Variants in CCDC90B observed in about 807,000 individuals in gnomAD.
The protein encoded by CCDC90B is coiled-coil domain containing 90B.
A neutral mutation model predicts 37.0 loss-of-function variants in CCDC90B; 24 were observed. That is an observed-to-expected ratio of 0.65 (90% CI 0.47 to 0.91). The LOEUF is 0.91. Among genes scored for constraint, CCDC90B ranks in the 40% least tolerant of loss-of-function variants. The probability of loss-of-function intolerance (pLI) is 0.00; values close to 1 mark genes in which losing one functional copy is unlikely to be tolerated. For synonymous variants in CCDC90B, 113 were observed against 101.1 expected (o/e 1.12, Z -0.71); for missense variants, 319 against 299.0 (o/e 1.07, Z -0.49).
rs1197698668 is a variant in CCDC90B at position 83,282,218 on chromosome 11, A to T, written c.101-1958T>A. ...TGTTTGCCCTTGTGATCAATGGCTAACTGGGAGCTGCGGCTTGCTGCCCCT... is the reference window on the plus strand; with the variant it reads ...TGTTTGCCCTTGTGATCAATGGCTATCTGGGAGCTGCGGCTTGCTGCCCCT... On this transcript the variant is annotated intron_variant, in intron 1 of 8. Coordinates refer to ENST00000529689, the MANE Select transcript of CCDC90B (RefSeq NM_021825.5). Among the ~76,000 whole-genome samples the T allele has an allele frequency of 2.0e-5, 3 of 152,342 alleles. 1 individual carries two copies. The South Asian group carries it at 6.2e-4, about 32-fold the overall frequency.
At position 83,263,384 on chromosome 11, in the gene CCDC90B, TAAC is replaced by T. The variant is rs542685130; in HGVS notation, c.710-1421_710-1419del. Among the ~76,000 whole-genome samples the T allele has an allele frequency of 4.9e-4, 74 of 152,336 alleles. 1 individual carries two copies. In the South Asian group the frequency reaches 5.4e-3, roughly 11 times the overall value. On this transcript the variant is annotated intron_variant, in intron 8 of 8. Coordinates refer to ENST00000529689, the MANE Select transcript of CCDC90B (RefSeq NM_021825.5). ...TTATTTCTCATGGCTGTTGTTGCAG[TAAC>T]AACAACAATTGGAGCCATCTCCAAT...
intron 7 of CCDC90B, among the ~76,000 whole-genome samples, chr11:83,271,198 C>T (rs1347458245): frequency 6.6e-6 from 1 of 152,186 alleles, no homozygotes; most frequent in Admixed American, 6.5e-5. Context: ...CAATTCCATT[C>T]AGGACATAGG....
intron 7 of CCDC90B, among the ~76,000 whole-genome samples, chr11:83,267,940 G>A (rs1434658711): frequency 6.6e-6 from 1 of 152,240 alleles, no homozygotes; most frequent in Non-Finnish European, 1.5e-5. Flanking sequence ...CCAGAAGAGA[G>A]TGGGGGCCAA....
chr11:83,264,066 A>G (rs555771291), intron 8 of CCDC90B, among the ~76,000 whole-genome samples: 1 of 152,372 alleles, frequency 6.6e-6, no homozygotes, highest in Admixed American at 6.5e-5. Context: ...GTTGTTATAT[A>G]GAAATACTAG....
intron 7 of CCDC90B, among the ~76,000 whole-genome samples, chr11:83,272,540 T>G (rs1395348694): frequency 2.0e-5 from 3 of 152,058 alleles, no homozygotes; most frequent in Non-Finnish European, 4.4e-5. Context: ...GCGCCAGTAT[T>G]AAAGGAACTG....
intron 1 of CCDC90B, 58 bp from the exon 2 acceptor site, chr11:83,280,318 T>G: frequency 2.7e-6 from 4 of 1,479,142 alleles, no homozygotes; most frequent in Non-Finnish European, 3.7e-6. Flanking sequence ...AAAGCTACTT[T>G]AGCTTACAAA....
rs8789 is a variant in CCDC90B, at chr11:83,261,962, C to T, written c.714G>A (p.Ser238=). ...KLETIRYLAA[S]VFTCLAIALG... is the part of the protein sequence containing the mutation. ...ATGCTATTGCCAGGCAAGTAAACACCGAAGCTGTGAAAAGAAGAAACTGTG... is the reference window on the plus strand; with the variant it reads ...ATGCTATTGCCAGGCAAGTAAACACTGAAGCTGTGAAAAGAAGAAACTGTG... Residue 238 remains serine (S), a synonymous_variant, in exon 9 of 9, where the codon TCG becomes TCA. Coordinates refer to ENST00000529689, the MANE Select transcript of CCDC90B (RefSeq NM_021825.5). 647,366 of 1,580,352 alleles carry T rather than the reference C, an allele frequency of 0.41. 135,622 individuals are homozygous for T. Among genetic ancestry groups the T allele is most frequent in the African/African-American group, 0.58 (42,443 of 73,262 alleles).
chr11:83,273,754 GAGTA>G, intron 6 of CCDC90B, 35 bp downstream of exon 6: 1 of 1,601,148 alleles, frequency 6.2e-7, no homozygotes, highest in Non-Finnish European at 8.5e-7. Flanking sequence ...AATAAAAAAG[GAGTA>G]AGTAACCAAG....
At chr11:83,271,649 G>A (rs367768762) in intron 7 of CCDC90B, among the ~76,000 whole-genome samples, 56 of 152,232 alleles carry the variant, frequency 3.7e-4, no homozygotes, top group African/African-American at 1.2e-3. Context: ...AAATAGGAAC[G>A]CTTTTACACT....
chr11:83,286,129 C>G lies in CCDC90B; in HGVS notation c.-157G>C. The G allele has an allele frequency of 6.5e-7, 1 of 1,536,324 alleles. No individual in the cohort carries two copies. The highest frequency in any genetic ancestry group is 8.7e-7 in the Non-Finnish European group (1 of 1,146,926). ...CAGCGCAGGCGCCACCGTGGTCCCA[C>G]GAAACTGGGTCTCTTCACAGACAGA... is the stretch of plus-strand genomic sequence containing the variant. On this transcript the variant is annotated 5_prime_UTR_variant, in exon 1 of 9. Coordinates refer to ENST00000529689, the MANE Select transcript of CCDC90B (RefSeq NM_021825.5).
intron 8 of CCDC90B, 131 bp downstream of exon 8, chr11:83,265,734 C>T (rs1052981444): frequency 2.5e-5 from 15 of 605,492 alleles, no homozygotes; most frequent in Non-Finnish European, 3.8e-5. Flanking sequence ...TTAAGCACTA[C>T]AGGGGACCAA....
chr11:83,285,938 G>A lies in CCDC90B; in HGVS notation c.35C>T (p.Ser12Phe), dbSNP rs763242248. The A allele has an allele frequency of 6.2e-6, 10 of 1,613,266 alleles. No homozygotes were observed. The highest frequency in any genetic ancestry group is 8.5e-6 in the Non-Finnish European group (10 of 1,179,772). The change falls in exon 1 of 9, where the codon TCC becomes TTC. Residue 12 changes from serine (S) to phenylalanine (F), a missense_variant. Physicochemically the swap from Ser to Phe is radical, Grantham distance 155. Coordinates refer to ENST00000529689, the MANE Select transcript of CCDC90B (RefSeq NM_021825.5). The part of the protein sequence containing the change: ...NSRQAWRLFL[S>F]QGRGDRWVSR... ...AACCCAACGATCTCCTCTGCCTTGGGAGAGAAAGAGCCGCCAAGCCTGGCG... is the reference window on the plus strand; with the variant it reads ...AACCCAACGATCTCCTCTGCCTTGGAAGAGAAAGAGCCGCCAAGCCTGGCG...
Position 83,276,514 on chromosome 11 carries a change from A to AT in CCDC90B, c.325-1775dup, listed in dbSNP as rs199608365. ...ATGCACCCACCATCATGCCTGGCTA[A>AT]TTTTTTTGTATTTTTAGTAGAGACA... On this transcript the variant is annotated intron_variant, in intron 3 of 8. Coordinates refer to ENST00000529689, the MANE Select transcript of CCDC90B (RefSeq NM_021825.5). Among the ~76,000 whole-genome samples the AT allele has an allele frequency of 4.8e-3, 726 of 152,080 alleles. 7 individuals carry two copies. Among genetic ancestry groups the AT allele is most frequent in the African/African-American group, 0.017 (692 of 41,496 alleles).
intron 7 of CCDC90B, chr11:83,267,099 A>C (rs1175117504): frequency 6.6e-6 from 1 of 152,240 alleles, no homozygotes; most frequent in African/African-American, 2.4e-5. Context: ...CCAAAACCCC[A>C]TCTGTAGGTC....
At position 83,261,932 on chromosome 11, in the gene CCDC90B, T is replaced by C; in HGVS notation, c.744A>G (p.Gly248=). The change falls in exon 9 of 9, where the codon GGA becomes GGG. Residue 248 remains glycine, a synonymous_variant. Coordinates refer to ENST00000529689, the MANE Select transcript of CCDC90B (RefSeq NM_021825.5). ...AATACTACTTCCAGAATCTATAAAA[T>C]CCCAATGCTATTGCCAGGCAAGTAA... The part of the protein sequence containing the change: ...SVFTCLAIAL[G]FYRFWK The C allele has an allele frequency of 6.2e-7, 1 of 1,604,162 alleles. No individual in the cohort carries two copies. Among genetic ancestry groups the C allele is most frequent in the South Asian group, 1.1e-5 (1 of 89,296 alleles).
At chr11:83,262,208 T>TA (rs945585059) in intron 8 of CCDC90B, among the ~76,000 whole-genome samples, 1 of 152,152 alleles carries the variant, frequency 6.6e-6, no homozygotes, top group African/African-American at 2.4e-5. Context: ...TAGAAACCTA[T>TA]AACCTGTATT....
intron 3 of CCDC90B, among the ~76,000 whole-genome samples, chr11:83,276,286 T>A (rs566944335): frequency 1.3e-5 from 2 of 152,330 alleles, no homozygotes; most frequent in African/African-American, 4.8e-5. Context: ...TTACTGAGAT[T>A]ACATAGAAGT....
At chr11:83,275,081 T>G (rs1042982266) in intron 3 of CCDC90B, among the ~76,000 whole-genome samples, 3 of 152,210 alleles carry the variant, frequency 2.0e-5, no homozygotes, top group African/African-American at 7.2e-5. Context: ...TTATCTCTTA[T>G]TACTTTGATT....
chr11:83,281,595 G>C (rs2135669026), intron 1 of CCDC90B, among the ~76,000 whole-genome samples: 1 of 152,148 alleles, frequency 6.6e-6, no homozygotes, highest in East Asian at 1.9e-4. Context: ...TTTTTCACTT[G>C]AATGTCATCT....
Sources: gnomAD v4.1 joint callset for allele counts (sites outside exome capture counted in the v4.1 genomes callset) on GRCh38, gnomAD v4.1.1 for gene constraint, MANE v1.5 for transcripts, NCBI Gene and HGNC (gene_info 2026-07-23, HGNC 2026-07-21) for gene names.